MGAT5: variants seen among roughly 807,000 people sequenced by gnomAD.
The protein encoded by MGAT5 is alpha-1,6-mannosylglycoprotein 6-beta-N-acetylglucosaminyltransferase, also known as alpha-1,6-mannosylglycoprotein 6-beta-N-acetylglucosaminyltransferase A.
MGAT5 carries 30 observed loss-of-function variants against 94.3 expected under a neutral mutation model. The ratio of observed to expected loss-of-function variants is 0.32; its 90% CI spans 0.24 to 0.43. The LOEUF is 0.43. Ranked by LOEUF, MGAT5 falls within the 20% of genes least tolerant of loss-of-function variation. The pLI, the probability that MGAT5 is intolerant of heterozygous loss-of-function variation, is 1.00. For synonymous variants in MGAT5, 310 were observed against 322.9 expected (o/e 0.96, Z 0.43); for missense variants, 691 against 905.5 (o/e 0.76, Z 3.04).
At chr2:134,267,892 C>T (rs1408364590) in intron 1 of MGAT5, among the ~76,000 whole-genome samples, 3 of 152,224 alleles carry the variant, frequency 2.0e-5, no homozygotes, top group African/African-American at 7.2e-5. Context: ...ATCCTGTAAC[C>T]TCTCTATCAC....
rs1308721619 is a variant in MGAT5 at position 134,338,342 on chromosome 2, G to A, written c.729G>A (p.Arg243=). 6.2e-7 allele frequency: 1 copy of A among 1,613,042 alleles called. No homozygotes were observed. Among genetic ancestry groups the A allele is most frequent in the Non-Finnish European group, 8.5e-7 (1 of 1,179,406 alleles). Residue 243 remains arginine (R), a synonymous_variant, in exon 6 of 16, where the codon CGG becomes CGA. Transcript: ENST00000281923. The stretch of plus-strand genomic sequence containing the variant: ...TCCGGTGGATGAGACTACGGATCCG[G>A]CGAATGGCTGACGCATGGATCCAAG... ...EEFRWMRLRI[R]RMADAWIQAI... is the part of the protein sequence containing the mutation.
intron 2 of MGAT5, among the ~76,000 whole-genome samples, chr2:134,315,404 A>G (rs1308250083): frequency 6.6e-6 from 1 of 152,236 alleles, no homozygotes; most frequent in African/African-American, 2.4e-5. Context: ...AAGCAAAATC[A>G]GAATGAAAAA....
chr2:134,388,076 C>T (rs936643143), intron 10 of MGAT5, among the ~76,000 whole-genome samples: 2 of 152,144 alleles, frequency 1.3e-5, no homozygotes, highest in African/African-American at 2.4e-5. Context: ...AAGGGAGGCA[C>T]AGAACTAACA....
chr2:134,341,499 A>T, intron 6 of MGAT5, 91 bp from the exon 7 acceptor site: 3 of 1,069,646 alleles, frequency 2.8e-6, no homozygotes, highest in Non-Finnish European at 4.0e-6. Flanking sequence ...TGTAAACATG[A>T]CTTTGGGATT....
At position 134,386,207 on chromosome 2, in the gene MGAT5, A is replaced by C. The variant is rs143877559; in HGVS notation, c.1381-16781A>C. 1.7e-3 allele frequency among the ~76,000 whole-genome samples: 256 copies of C among 152,350 alleles called. 1 individual carries two copies. The highest frequency in any genetic ancestry group is 2.6e-3 in the Non-Finnish European group (176 of 68,028). On this transcript the variant is annotated intron_variant, in intron 10 of 15. Transcript: ENST00000281923. ...ATCAGGATGAGAAGCTGTCAGAGGC[A>C]AAATACGAAATATTTGAACCAACCA...
intron 1 of MGAT5, among the ~76,000 whole-genome samples, chr2:134,225,211 A>G (rs760362315): frequency 3.3e-5 from 5 of 152,076 alleles, no homozygotes; most frequent in Non-Finnish European, 5.9e-5. Context: ...ACTGCAAGGA[A>G]CAAAGGTGGT....
rs147112089 is a variant in MGAT5, at chr2:134,404,058, A to T, written c.1530+921A>T. On this transcript the variant is annotated intron_variant, in intron 11 of 15. Transcript: ENST00000281923. ...GAAGGGTTGGCTGGCATTTCAGTGT[A>T]TTAGATAAACTCCCTCAGGTTTATT... Among the ~76,000 whole-genome samples, 60 of 152,354 alleles carry T rather than the reference A, an allele frequency of 3.9e-4. No individual in the cohort carries two copies. The East Asian group carries it at 0.011, about 29-fold the overall frequency.
rs1325270486 is a variant in MGAT5, at chr2:134,452,235, G to A, written c.*3388G>A. ...GCCTTGAGAACCTCAAGAAAGGGCTGGATTCTGCCATACCTTTGGGTCTAC... is the reference window on the plus strand; with the variant it reads ...GCCTTGAGAACCTCAAGAAAGGGCTAGATTCTGCCATACCTTTGGGTCTAC... On this transcript the variant is annotated 3_prime_UTR_variant, in exon 16 of 16. Coordinates refer to ENST00000281923, the MANE Select transcript of MGAT5 (RefSeq NM_002410.5). The A allele has an allele frequency of 6.6e-6, 1 of 152,114 alleles. No homozygotes were observed. Among genetic ancestry groups the A allele is most frequent in the Non-Finnish European group, 1.5e-5 (1 of 68,022 alleles). The allele number at this position is 152,114 out of a possible 1,614,324, so 9.4% of individuals were successfully genotyped here.
At chr2:134,326,939 A>C (rs77674574) in intron 4 of MGAT5, among the ~76,000 whole-genome samples, 4,338 of 152,176 alleles carry the variant, frequency 0.029, 208 homozygotes, top group African/African-American at 0.098. Flanking sequence ...GTCGCCCTGG[A>C]GTGACCATTA....
At chr2:134,240,583 T>A (rs1046834166) in intron 1 of MGAT5, among the ~76,000 whole-genome samples, 9 of 152,144 alleles carry the variant, frequency 5.9e-5, no homozygotes, top group Non-Finnish European at 1.3e-4. Context: ...ATGTTCTTAA[T>A]GGAGTGTTGT....
chr2:134,382,440 TG>T (rs1681693886), intron 10 of MGAT5, among the ~76,000 whole-genome samples: 1 of 151,924 alleles, frequency 6.6e-6, no homozygotes, highest in Non-Finnish European at 1.5e-5. Context: ...CTTTAAAGAG[TG>T]TTTTTCAAAT....
intron 10 of MGAT5, among the ~76,000 whole-genome samples, chr2:134,390,074 C>G (rs1682305803): frequency 6.6e-6 from 1 of 152,022 alleles, no homozygotes; most frequent in Non-Finnish European, 1.5e-5. Context: ...TTGTTGGAGC[C>G]ATGTCAATGA....
At chr2:134,200,682 A>G (rs1322953952) in intron 1 of MGAT5, among the ~76,000 whole-genome samples, 1 of 152,140 alleles carries the variant, frequency 6.6e-6, no homozygotes, top group Non-Finnish European at 1.5e-5. Flanking sequence ...AGCAAAACAG[A>G]TGAGTTCTCT....
At chr2:134,169,431 CACACACACAT>C (rs1688105153) in intron 1 of MGAT5, among the ~76,000 whole-genome samples, 1 of 151,204 alleles carries the variant, frequency 6.6e-6, no homozygotes, top group African/African-American at 2.5e-5. Context: ...CACACACACA[CACACACACAT>C]ATATAAAAGA....
At chr2:134,292,561 C>A (rs879868509) in intron 2 of MGAT5, among the ~76,000 whole-genome samples, 1 of 152,174 alleles carries the variant, frequency 6.6e-6, no homozygotes, top group Non-Finnish European at 1.5e-5. Flanking sequence ...AAATTAGGAG[C>A]TTTGGATTTT....
At chr2:134,427,209 T>A (rs1351476716) in intron 13 of MGAT5, among the ~76,000 whole-genome samples, 3 of 152,136 alleles carry the variant, frequency 2.0e-5, no homozygotes, top group African/African-American at 7.2e-5. Flanking sequence ...CCAGCAAACA[T>A]TTTAGAGGTA....
At chr2:134,366,962 C>T (rs1282526573) in intron 10 of MGAT5, among the ~76,000 whole-genome samples, 1 of 152,198 alleles carries the variant, frequency 6.6e-6, no homozygotes, top group African/African-American at 2.4e-5. Context: ...ATTTGCAGAC[C>T]TTGCTACTTC....
intron 1 of MGAT5, among the ~76,000 whole-genome samples, chr2:134,249,069 A>G (rs1682441948): frequency 6.6e-6 from 1 of 152,040 alleles, no homozygotes; most frequent in African/African-American, 2.4e-5. Context: ...GAAGTAGATC[A>G]CTGTGGTTTC....
intron 1 of MGAT5, among the ~76,000 whole-genome samples, chr2:134,170,721 C>T (rs1688161957): frequency 6.6e-6 from 1 of 152,134 alleles, no homozygotes; most frequent in South Asian, 2.1e-4. Context: ...TCTGCTCATA[C>T]AGTCCATGAA....
Sources: gnomAD v4.1 joint callset for allele counts (sites outside exome capture counted in the v4.1 genomes callset) on GRCh38, gnomAD v4.1.1 for gene constraint, MANE v1.5 for transcripts, NCBI Gene and HGNC (gene_info 2026-07-23, HGNC 2026-07-21) for gene names.